CAB39L: variants seen among roughly 807,000 people sequenced by gnomAD.
CAB39L encodes the protein calcium-binding protein 39-like.
In CAB39L, 23 loss-of-function variants were observed where a neutral mutation model predicts 39.1. The observed-to-expected ratio is 0.59, with a 90% CI of 0.42 to 0.83. The LOEUF is 0.83. Among genes scored for constraint, CAB39L ranks in the 40% least tolerant of loss-of-function variants. CAB39L has a pLI of 0.00. For missense variants in CAB39L, 366 were observed against 391.9 expected, an observed-to-expected ratio of 0.93 and a Z score of 0.56; for synonymous variants, 126 against 137.2, an observed-to-expected ratio of 0.92 and a Z score of 0.57.
At chr13:49,395,094 T>G (rs547983850) in intron 3 of CAB39L, among the ~76,000 whole-genome samples, 1 of 152,350 alleles carries the variant, frequency 6.6e-6, no homozygotes, top group Non-Finnish European at 1.5e-5. Context: ...ATGTTCTGTT[T>G]TTTCCGAAGC....
intron 10 of CAB39L, among the ~76,000 whole-genome samples, chr13:49,315,192 T>C (rs1954120972): frequency 6.6e-6 from 1 of 152,172 alleles, no homozygotes; most frequent in Admixed American, 6.5e-5. Flanking sequence ...ACACAGCAAG[T>C]GCTAAGGAAT....
intron 5 of CAB39L, among the ~76,000 whole-genome samples, chr13:49,368,288 T>G (rs1237354757): frequency 6.6e-6 from 1 of 152,178 alleles, no homozygotes; most frequent in African/African-American, 2.4e-5. Context: ...AAGCCCCCTG[T>G]GGATAACAAA....
chr13:49,361,561 A>AAAAGAAAG lies in CAB39L; in HGVS notation c.277-1737_277-1730dup, dbSNP rs60755841. 4.1e-3 allele frequency among the ~76,000 whole-genome samples: 506 copies of AAAAGAAAG among 122,122 alleles called. 2 individuals are homozygous for AAAAGAAAG. The highest frequency in any genetic ancestry group is 0.017 in the South Asian group (71 of 4,154). 80.1% of individuals were successfully genotyped at this position (122,122 alleles called of 152,430 possible). A position where few individuals can be genotyped will look rare whatever the true frequency, so the allele number is the denominator to read the frequency against. Reference sequence around the variant, plus strand: ...GAAAAAAAGAGAGAGAAAGAGAAAGAAAAGAAAGAAAGAAAGAAAGAAAGA... The same window carrying AAAAGAAAG: ...GAAAAAAAGAGAGAGAAAGAGAAAGAAAAGAAAGAAAGAAAGAAAGAAAGAAAGAAAGA... On this transcript the variant is annotated intron_variant, in intron 5 of 10. Transcript: ENST00000409308.
In CAB39L at chr13:49,423,898, C is replaced by T. The variant is rs941525318; in HGVS notation, c.-32+9420G>A. 2.6e-5 allele frequency among the ~76,000 whole-genome samples: 4 copies of T among 152,222 alleles called. No individual in the cohort carries two copies. The East Asian group carries it at 7.7e-4, about 29-fold the overall frequency. On this transcript the variant is annotated intron_variant, in intron 3 of 10. Coordinates refer to ENST00000409308, the MANE Select transcript of CAB39L (RefSeq NM_001079670.3). Reference sequence around the variant, plus strand: ...AATGACAAACACAGAAAAATCTGTTCGGCAAATTTCTAAGTTATAACTTCA... The same window carrying T: ...AATGACAAACACAGAAAAATCTGTTTGGCAAATTTCTAAGTTATAACTTCA...
intron 4 of CAB39L, among the ~76,000 whole-genome samples, chr13:49,377,761 G>A (rs1385646261): frequency 1.4e-4 from 13 of 89,920 alleles, no homozygotes; most frequent in African/African-American, 7.1e-4. Flanking sequence ...CCTCCCAGCC[G>A]CCTGCCTTGG....
chr13:49,439,288 C>CT (rs1491244484), intron 1 of CAB39L, among the ~76,000 whole-genome samples: 2 of 152,192 alleles, frequency 1.3e-5, no homozygotes, highest in South Asian at 2.1e-4. Context: ...ATTTTATTTA[C>CT]TTTTTTATAA....
chr13:49,345,878 T>C (rs1050567015), intron 7 of CAB39L, among the ~76,000 whole-genome samples: 7 of 151,914 alleles, frequency 4.6e-5, no homozygotes, highest in South Asian at 2.1e-4. Context: ...AAAGAGCAGG[T>C]TGCAGATCAG....
chr13:49,350,877 A>G lies in CAB39L; in HGVS notation c.431T>C (p.Ile144Thr). The G allele has an allele frequency of 6.2e-7, 1 of 1,609,146 alleles. No homozygotes were observed. The highest frequency in any genetic ancestry group is 1.1e-5 in the South Asian group (1 of 89,662). Residue 144 changes from isoleucine (I) to threonine (T), a missense_variant, in exon 7 of 11, where the codon ATT (isoleucine) becomes ACT (threonine). Coordinates refer to ENST00000409308, the MANE Select transcript of CAB39L (RefSeq NM_001079670.3). ...ATGTCGAATACATTCTCTCAGCATA[A>G]TCCCACAACGTAAGGCAATCTGTGG... ...EAPQIALRCGIMLRECIRHEP... is the reference protein window; with the variant it reads ...EAPQIALRCGTMLRECIRHEP...
chr13:49,345,266 C>A (rs1313551130), intron 7 of CAB39L, among the ~76,000 whole-genome samples: 1 of 152,024 alleles, frequency 6.6e-6, no homozygotes, highest in Non-Finnish European at 1.5e-5. Flanking sequence ...AGATAACAAC[C>A]ATAATAAAAC....
At chr13:49,319,328 CA>C (rs1330525712) in intron 10 of CAB39L, among the ~76,000 whole-genome samples, 3 of 152,026 alleles carry the variant, frequency 2.0e-5, no homozygotes, top group Non-Finnish European at 4.4e-5. Flanking sequence ...AGTGTATGAA[CA>C]AAACACCACA....
At chr13:49,332,288 C>G (rs1357052667) in intron 9 of CAB39L, among the ~76,000 whole-genome samples, 198 bp from the exon 10 acceptor site, 1 of 152,200 alleles carries the variant, frequency 6.6e-6, no homozygotes, top group Non-Finnish European at 1.5e-5. Flanking sequence ...CACTGCTTTG[C>G]TGATGTCAGT....
At chr13:49,351,299 A>T (rs61950797) in intron 6 of CAB39L, among the ~76,000 whole-genome samples, 12 of 94,292 alleles carry the variant, frequency 1.3e-4, no homozygotes, top group East Asian at 7.3e-4. Flanking sequence ...TGTGTGTGTG[A>T]GTGACTACTT....
At chr13:49,359,291 C>G (rs1195257838) in intron 6 of CAB39L, among the ~76,000 whole-genome samples, 1 of 152,130 alleles carries the variant, frequency 6.6e-6, no homozygotes, top group Non-Finnish European at 1.5e-5. Context: ...CAGATGCTAG[C>G]TACTGGAAAA....
chr13:49,371,298 C>T (rs1461206961), intron 5 of CAB39L, among the ~76,000 whole-genome samples: 1 of 151,532 alleles, frequency 6.6e-6, no homozygotes, highest in Non-Finnish European at 1.5e-5. Context: ...AGCGATTCTC[C>T]TGCCTCAGCC....
rs1006579682 is a variant in CAB39L at position 49,310,299 on chromosome 13, G to C, written c.*515C>G. The C allele has an allele frequency of 3.3e-5, 5 of 153,598 alleles. No individual in the cohort carries two copies. The highest frequency in any genetic ancestry group is 1.2e-4 in the African/African-American group (5 of 41,444). The allele number at this position is 153,598 out of a possible 1,614,324, so 9.5% of individuals were successfully genotyped here. A position where few individuals can be genotyped will look rare whatever the true frequency, so the allele number is the denominator to read the frequency against. On this transcript the variant is annotated 3_prime_UTR_variant, in exon 11 of 11. Coordinates refer to ENST00000409308, the MANE Select transcript of CAB39L (RefSeq NM_001079670.3). ...GGGAGCACTGGATCCTGGGAGGTGT[G>C]GATGCACTGATTACAGTCCAAAGAC... is the stretch of plus-strand genomic sequence containing the variant.
Position 49,333,452 on chromosome 13 carries a change from C to T in CAB39L, c.691-1362G>A, listed in dbSNP as rs570009001. ...GGATCTGCTATCTTTTATCTCCCAACAGTCTCATCTATACCCATGGGTTCA... is the reference window on the plus strand; with the variant it reads ...GGATCTGCTATCTTTTATCTCCCAATAGTCTCATCTATACCCATGGGTTCA... On this transcript the variant is annotated intron_variant, in intron 9 of 10. Transcript: ENST00000409308. 1.1e-4 allele frequency among the ~76,000 whole-genome samples: 17 copies of T among 152,208 alleles called. No individual in the cohort carries two copies. In the South Asian group the frequency reaches 3.5e-3, roughly 32 times the overall value.
chr13:49,441,221 G>GTATATATATATATATATATATATATATA (rs59783079), intron 1 of CAB39L, among the ~76,000 whole-genome samples: 29 of 121,438 alleles, frequency 2.4e-4, no homozygotes, highest in African/African-American at 6.2e-4. Flanking sequence ...ATGATTTAGT[G>GTATATATATATATATATATATATATATA]TATATATATA....
chr13:49,324,332 A>T (rs1167371228), intron 10 of CAB39L, among the ~76,000 whole-genome samples: 1 of 151,992 alleles, frequency 6.6e-6, no homozygotes, highest in Non-Finnish European at 1.5e-5. Flanking sequence ...AAAAATAAAT[A>T]AATAAAAATA....
intron 9 of CAB39L, 101 bp downstream of exon 9, chr13:49,339,576 T>A: frequency 8.4e-7 from 1 of 1,196,588 alleles, no homozygotes; most frequent in East Asian, 3.2e-5. Context: ...AAAAAAAGGA[T>A]ATTTTAATTT....
Sources: gnomAD v4.1 joint callset for allele counts (sites outside exome capture counted in the v4.1 genomes callset) on GRCh38, gnomAD v4.1.1 for gene constraint, MANE v1.5 for transcripts, NCBI Gene and HGNC (gene_info 2026-07-23, HGNC 2026-07-21) for gene names.